Variants in NALF1 observed in about 807,000 individuals in gnomAD.
NALF1 encodes the protein NALCN channel auxiliary factor 1, also known as family with sequence similarity 155 member A.
NALF1 carries 3 observed loss-of-function variants against 48.4 expected under a neutral mutation model. The ratio of observed to expected loss-of-function variants is 0.06; its 90% CI spans 0.03 to 0.16. The LOEUF is 0.16. Ranked by LOEUF, NALF1 falls within the 10% of genes least tolerant of loss-of-function variation. The pLI, the probability that NALF1 is intolerant of heterozygous loss-of-function variation, is 1.00. For synonymous variants in NALF1, 262 were observed against 245.7 expected, an observed-to-expected ratio of 1.07 and a Z score of -0.62; for missense variants, 526 against 571.5, an observed-to-expected ratio of 0.92 and a Z score of 0.81.
chr13:107,378,992 A>C (rs574064628), intron 1 of NALF1, among the ~76,000 whole-genome samples: 31 of 152,316 alleles, frequency 2.0e-4, no homozygotes, highest in Non-Finnish European at 4.4e-4. Flanking sequence ...GGACGCTTTT[A>C]TTCTTCACAG....
At chr13:107,583,675 G>T (rs1399296083) in intron 1 of NALF1, among the ~76,000 whole-genome samples, 1 of 152,150 alleles carries the variant, frequency 6.6e-6, no homozygotes, top group East Asian at 1.9e-4. Context: ...AGAGAGCCAG[G>T]ATTCTTTACC....
intron 1 of NALF1, among the ~76,000 whole-genome samples, chr13:107,332,392 A>C (rs1172617148): frequency 6.6e-6 from 1 of 152,222 alleles, no homozygotes; most frequent in Non-Finnish European, 1.5e-5. Context: ...CAGCAGGAGT[A>C]GAAAAATACA....
intron 1 of NALF1, among the ~76,000 whole-genome samples, chr13:107,219,693 A>G (rs993517291): frequency 6.6e-6 from 1 of 152,196 alleles, no homozygotes; most frequent in Non-Finnish European, 1.5e-5. Context: ...CAACGCACTG[A>G]GTAGAGCTAT....
chr13:107,535,035 G>C (rs529675791), intron 1 of NALF1, among the ~76,000 whole-genome samples: 4 of 152,244 alleles, frequency 2.6e-5, no homozygotes, highest in East Asian at 3.9e-4. Context: ...CATTGATTTT[G>C]TATCCTGAGA....
At chr13:107,400,595 C>T (rs964714001) in intron 1 of NALF1, among the ~76,000 whole-genome samples, 1 of 152,006 alleles carries the variant, frequency 6.6e-6, no homozygotes, top group Non-Finnish European at 1.5e-5. Context: ...TGCCTGTAAT[C>T]CCAGCTATTC....
intron 1 of NALF1, chr13:107,788,628 G>A (rs906775233): frequency 3.3e-5 from 5 of 152,188 alleles, no homozygotes; most frequent in African/African-American, 1.2e-4. Flanking sequence ...CCGGCACATG[G>A]CCGCAGTCAT....
At chr13:107,646,683 T>A (rs1880322684) in intron 1 of NALF1, among the ~76,000 whole-genome samples, 1 of 152,116 alleles carries the variant, frequency 6.6e-6, no homozygotes, top group Non-Finnish European at 1.5e-5. Flanking sequence ...ACACTCTACA[T>A]CAATCAATTT....
chr13:107,668,949 A>T (rs1292173727), intron 1 of NALF1, among the ~76,000 whole-genome samples: 1 of 152,134 alleles, frequency 6.6e-6, no homozygotes, highest in Non-Finnish European at 1.5e-5. Flanking sequence ...CATCTTAAAA[A>T]AAAGATACCT....
intron 2 of NALF1, among the ~76,000 whole-genome samples, chr13:107,190,717 A>T (rs916584725): frequency 1.7e-4 from 26 of 152,246 alleles, no homozygotes; most frequent in Admixed American, 1.6e-3. Flanking sequence ...AAGGAATATT[A>T]GTTAGAATAA....
At chr13:107,633,773 A>G (rs1248016396) in intron 1 of NALF1, among the ~76,000 whole-genome samples, 1 of 147,626 alleles carries the variant, frequency 6.8e-6, no homozygotes, top group African/African-American at 2.5e-5. Context: ...ATATATATTT[A>G]TATATGGATA....
chr13:107,575,991 C>A (rs1878133930), intron 1 of NALF1, among the ~76,000 whole-genome samples: 1 of 74,028 alleles, frequency 1.4e-5, no homozygotes, highest in South Asian at 6.9e-4. Flanking sequence ...TGTGTGTGTG[C>A]ATGTATATGT....
chr13:107,835,625 C>CCACA (rs10627787), intron 1 of NALF1, among the ~76,000 whole-genome samples: 3 of 151,880 alleles, frequency 2.0e-5, no homozygotes, highest in Non-Finnish European at 2.9e-5. Context: ...GGCACAAGAC[C>CCACA]CACACACACA....
intron 1 of NALF1, among the ~76,000 whole-genome samples, chr13:107,526,258 G>A (rs564013): frequency 0.76 from 115,998 of 151,934 alleles, 45,600 homozygotes; most frequent in South Asian, 0.87. Context: ...TCTTAAGATA[G>A]CTTGAATTTT....
intron 1 of NALF1, among the ~76,000 whole-genome samples, chr13:107,504,792 T>C (rs1421904840): frequency 6.6e-6 from 1 of 152,198 alleles, no homozygotes; most frequent in Non-Finnish European, 1.5e-5. Flanking sequence ...TTCTAACTTA[T>C]TCTGTTCATT....
intron 1 of NALF1, among the ~76,000 whole-genome samples, chr13:107,641,863 T>C (rs1880166147): frequency 6.6e-6 from 1 of 152,132 alleles, no homozygotes; most frequent in Non-Finnish European, 1.5e-5. Context: ...AGCGTTTCTG[T>C]ATATTACAAC....
In NALF1 at chr13:107,378,530, A is replaced by T. The variant is rs560641173; in HGVS notation, c.916-167775T>A. Among the ~76,000 whole-genome samples the T allele has an allele frequency of 2.6e-5, 4 of 151,708 alleles. No homozygotes were observed. In the East Asian group the frequency reaches 7.7e-4, roughly 29 times the overall value. ...CAAGAGCTTTTGGGTATTCTGAAAT[A>T]GAAGTCAATTTCTAAACTTTGAGAA... On this transcript the variant is annotated intron_variant, in intron 1 of 2. Transcript: ENST00000375915.
intron 2 of NALF1, among the ~76,000 whole-genome samples, chr13:107,206,329 T>C (rs560557332): frequency 6.6e-6 from 1 of 152,310 alleles, no homozygotes; most frequent in Admixed American, 6.5e-5. Context: ...GTTAGAACAT[T>C]TGGTCATGAC....
Position 107,360,860 on chromosome 13 carries a change from C to G in NALF1, c.916-150105G>C, listed in dbSNP as rs529041944. On this transcript the variant is annotated intron_variant, in intron 1 of 2. Coordinates refer to ENST00000375915, the MANE Select transcript of NALF1 (RefSeq NM_001080396.3). ...ATCTCTTTCTTTCTTTCCCTCCTCC[C>G]TCTCTCTCTTATTCTCTTTTTCTCT... Among the ~76,000 whole-genome samples the G allele has an allele frequency of 1.1e-3, 164 of 152,022 alleles. 1 individual carries two copies. The highest frequency in any genetic ancestry group is 3.5e-3 in the African/African-American group (145 of 41,474).
intron 1 of NALF1, among the ~76,000 whole-genome samples, chr13:107,273,571 A>C (rs1038785480): frequency 6.6e-6 from 1 of 152,200 alleles, no homozygotes; most frequent in Non-Finnish European, 1.5e-5. Flanking sequence ...GAATTAAACT[A>C]TCACAAAAAG....
Sources: allele counts gnomAD v4.1 joint callset (sites outside exome capture counted in the v4.1 genomes callset), GRCh38; gene constraint gnomAD v4.1.1; transcripts MANE v1.5; gene names NCBI Gene and HGNC (gene_info 2026-07-23, HGNC 2026-07-21).